ALAS2: variants seen among roughly 807,000 people sequenced by gnomAD.
ALAS2 encodes 5-aminolevulinate synthase, erythroid-specific, mitochondrial.
A neutral mutation model predicts 33.7 loss-of-function variants in ALAS2; 3 were observed. The ratio of observed to expected loss-of-function variants is 0.09; its 90% CI spans 0.04 to 0.23. The LOEUF is 0.23. ALAS2 is among the 10% of genes least tolerant of loss of function. The pLI, the probability that ALAS2 is intolerant of heterozygous loss-of-function variation, is 1.00. For synonymous variants in ALAS2, 191 were observed against 177.3 expected, an observed-to-expected ratio of 1.08 and a Z score of -0.61; for missense variants, 304 against 475.1, an observed-to-expected ratio of 0.64 and a Z score of 3.35.
intron 1 of ALAS2, among the ~76,000 whole-genome samples, chrX:55,027,577 G>C (rs1361321314): frequency 9.0e-6 from 1 of 111,656 alleles, no homozygotes. Context: ...AGACATGGGA[G>C]AATGTGAGAA....
chrX:55,030,203 T>C (rs1190404639), intron 1 of ALAS2, among the ~76,000 whole-genome samples: 1 of 111,597 alleles, frequency 9.0e-6, no homozygotes, highest in East Asian at 2.8e-4. Context: ...GGCCAAGCCT[T>C]TTTTTCAGAG....
At chrX:55,015,891 C>A in intron 7 of ALAS2, 149 bp from the exon 8 acceptor site, 1 of 624,598 alleles carries the variant, frequency 1.6e-6, no homozygotes, top group Non-Finnish European at 2.6e-6. Context: ...AGAACTATTA[C>A]AAACCTCTGT....
At position 55,025,768 on chromosome X, in the gene ALAS2, T is replaced by C. The variant is rs184175319; in HGVS notation, c.181+52A>G. ...AAAGATGGCCAGTATAACTTGGAAC[T>C]TTTACCCCAGGACCCTAACATTCTC... On this transcript the variant is annotated intron_variant, in intron 2 of 10. Coordinates refer to ENST00000650242, the MANE Select transcript of ALAS2 (RefSeq NM_000032.5). 9.8e-4 allele frequency: 1,144 copies of C among 1,166,867 alleles called. 10 individuals carry two copies. In the African/African-American group the frequency reaches 0.019, roughly 19 times the overall value.
chrX:55,018,169 G>C (rs770133411), intron 6 of ALAS2, among the ~76,000 whole-genome samples: 35 of 111,826 alleles, frequency 3.1e-4, no homozygotes, highest in African/African-American at 1.1e-3. Context: ...TGGCATGTCA[G>C]AGCTGGCAGG....
intron 4 of ALAS2, 73 bp downstream of exon 4, chrX:55,023,684 C>A (rs1302531408): frequency 1.8e-5 from 16 of 882,637 alleles, no homozygotes; most frequent in Non-Finnish European, 3.3e-6. Flanking sequence ...ACTGTTTCCC[C>A]TACTGTGACA....
chrX:55,010,257 A>C (rs912950642), intron 10 of ALAS2, among the ~76,000 whole-genome samples: 14 of 112,006 alleles, frequency 1.2e-4, no homozygotes, highest in African/African-American at 4.5e-4. Context: ...CTGGGATATT[A>C]CTGTAGCCCA....
chrX:55,017,646 G>A lies in ALAS2; in HGVS notation c.843C>T (p.Asp281=), dbSNP rs1243943993. ...GGATCATGGAAGCATGGTTGCCTGC[G>A]TCTGAGTAAATCTCGCACCCTGAGG... is the stretch of plus-strand genomic sequence containing the variant. ...KILPGCEIYS[D]AGNHASMIQG... The change falls in exon 7 of 11, where the codon GAC becomes GAT. Residue 281 remains aspartate (D), a synonymous_variant. Transcript: ENST00000650242. 78 of 1,209,905 alleles carry A rather than the reference G, an allele frequency of 6.4e-5. No homozygotes were observed. The highest frequency in any genetic ancestry group is 2.3e-4 in the Middle Eastern group (1 of 4,349).
intron 1 of ALAS2, among the ~76,000 whole-genome samples, chrX:55,030,736 C>T (rs771703628): frequency 9.2e-6 from 1 of 108,318 alleles, no homozygotes; most frequent in East Asian, 2.9e-4. Flanking sequence ...AAGAAAGTAA[C>T]GAAGGGAAAA....
intron 10 of ALAS2, 64 bp downstream of exon 10, chrX:55,013,422 T>C (rs1230181833): frequency 7.2e-6 from 8 of 1,113,020 alleles, no homozygotes; most frequent in Non-Finnish European, 9.7e-6. Flanking sequence ...TCCTCTCAGC[T>C]TCTCTTTCAG....
rs73214617 is a variant in ALAS2 at position 55,017,661 on chromosome X, G to A, written c.828C>T (p.Cys276=). ...LFTLAKILPG[C]EIYSDAGNHA... ...GGTTGCCTGCGTCTGAGTAAATCTC[G>A]CACCCTGAGGAAGCAGATGTATAAT... Residue 276 remains cysteine (C), a synonymous_variant, in exon 7 of 11, where the codon TGC becomes TGT. Transcript: ENST00000650242. 880 of 1,208,969 alleles carry A rather than the reference G, an allele frequency of 7.3e-4. No homozygotes were observed. Among genetic ancestry groups the A allele is most frequent in the Non-Finnish European group, 9.4e-4 (839 of 894,373 alleles).
chrX:55,010,142 C>T (rs1316599607), intron 10 of ALAS2, among the ~76,000 whole-genome samples: 1 of 111,435 alleles, frequency 9.0e-6, no homozygotes, highest in African/African-American at 3.3e-5. Flanking sequence ...TTCTCTCTTA[C>T]CCTATATCCC....
intron 10 of ALAS2, 50 bp downstream of exon 10, chrX:55,013,436 C>T (rs902664262): frequency 9.6e-6 from 11 of 1,149,923 alleles, no homozygotes; most frequent in Non-Finnish European, 5.9e-6. Context: ...CTTTCAGATC[C>T]TGGGGCTGAG....
intron 6 of ALAS2, among the ~76,000 whole-genome samples, chrX:55,019,679 A>T (rs1031761563): frequency 9.0e-6 from 1 of 111,640 alleles, no homozygotes; most frequent in Non-Finnish European, 1.9e-5. Context: ...GGTTGTATTC[A>T]TTCTGGATTG....
rs45468097 is a variant in ALAS2, at chrX:55,013,664, A to C, written c.1438-16T>G. 0.022 allele frequency: 27,069 copies of C among 1,208,026 alleles called. 270 individuals carry two copies. The highest frequency in any genetic ancestry group is 0.026 in the Non-Finnish European group (23,623 of 894,113). ...CATTGCCCACCTGGACTCAGGAGAA[A>C]GGCTAATCAGTACCTGCCACTCTGG... is the stretch of plus-strand genomic sequence containing the variant. On this transcript the variant is annotated splice_polypyrimidine_tract_variant and intron_variant, in intron 9 of 10. Transcript: ENST00000650242.
intron 1 of ALAS2, chrX:55,027,616 T>C: frequency 1.7e-6 from 1 of 598,123 alleles, no homozygotes; most frequent in Non-Finnish European, 2.9e-6. Context: ...GTGAAGAAAG[T>C]TACTGAGTAG....
At position 55,023,755 on chromosome X, in the gene ALAS2, A is replaced by G. The variant is rs1935845891; in HGVS notation, c.415+2T>C. 1 of 1,205,969 alleles carries G rather than the reference A, an allele frequency of 8.3e-7. No homozygotes were observed. The highest frequency in any genetic ancestry group is 3.0e-5 in the East Asian group (1 of 33,765). The stretch of plus-strand genomic sequence containing the variant: ...CCTTTTTTTCCACCTCAGCAAACTC[A>G]CCAGGCATATTGTTCTGAATCAGGT... On this transcript the variant is annotated splice_donor_variant, in intron 4 of 10. Coordinates refer to ENST00000650242, the MANE Select transcript of ALAS2 (RefSeq NM_000032.5). LOFTEE classifies it high-confidence loss of function.
intron 2 of ALAS2, among the ~76,000 whole-genome samples, chrX:55,025,336 C>T (rs995941676): frequency 9.0e-6 from 1 of 110,831 alleles, no homozygotes; most frequent in African/African-American, 3.3e-5. Context: ...TGTTTCTTTT[C>T]TTTTCTTTTC....
chrX:55,027,142 C>T (rs940220371), intron 1 of ALAS2, among the ~76,000 whole-genome samples: 28 of 109,980 alleles, frequency 2.5e-4, no homozygotes, highest in African/African-American at 4.3e-4. Context: ...CCAAGGGGCA[C>T]GAAAGGGACA....
intron 2 of ALAS2, 131 bp downstream of exon 2, chrX:55,025,689 G>T (rs750629263): frequency 3.7e-5 from 25 of 680,601 alleles, no homozygotes; most frequent in Non-Finnish European, 1.4e-5. Flanking sequence ...TATATTTTGG[G>T]GCCAGTTCAT....
Sources: gnomAD v4.1 joint callset for allele counts (sites outside exome capture counted in the v4.1 genomes callset) on GRCh38, gnomAD v4.1.1 for gene constraint, MANE v1.5 for transcripts, NCBI Gene and HGNC (gene_info 2026-07-23, HGNC 2026-07-21) for gene names.